EYA3: variants seen among roughly 807,000 people sequenced by gnomAD.
EYA3 encodes protein phosphatase EYA3.
In EYA3, 39 loss-of-function variants were observed where a neutral mutation model predicts 80.0. That is an observed-to-expected ratio of 0.49 (90% CI 0.38 to 0.64). EYA3 has a LOEUF of 0.64. EYA3 is among the 30% of genes least tolerant of loss of function. The pLI, the probability that EYA3 is intolerant of heterozygous loss-of-function variation, is 0.00. For missense variants in EYA3, 523 were observed against 676.1 expected (o/e 0.77, Z 2.51); for synonymous variants, 206 against 232.8 (o/e 0.88, Z 1.05).
At chr1:27,979,249 C>T (rs930012560) in intron 16 of EYA3, among the ~76,000 whole-genome samples, 1 of 152,134 alleles carries the variant, frequency 6.6e-6, no homozygotes, top group African/African-American at 2.4e-5. Context: ...GAAACAATAA[C>T]AAACAAAAAG....
At chr1:27,976,113 T>C (rs1638917396) in intron 17 of EYA3, among the ~76,000 whole-genome samples, 6 of 152,152 alleles carry the variant, frequency 3.9e-5, no homozygotes, top group Admixed American at 3.3e-4. Context: ...ACACATAATA[T>C]TTAAAAGGCT....
chr1:27,996,387 T>C (rs1296685777), intron 13 of EYA3, among the ~76,000 whole-genome samples: 2 of 152,144 alleles, frequency 1.3e-5, no homozygotes, highest in Non-Finnish European at 2.9e-5. Flanking sequence ...GATAAGTAAT[T>C]ACTGGTTAGC....
chr1:27,998,389 TGGCATGTAGTA>T, intron 12 of EYA3: 1 of 814,010 alleles, frequency 1.2e-6, no homozygotes, highest in African/African-American at 1.9e-5. Flanking sequence ...CAATAATTAT[TGGCATGTAGTA>T]GGTTTTCAAT....
At chr1:28,036,731 A>G (rs1261348301) in intron 5 of EYA3, among the ~76,000 whole-genome samples, 1 of 152,228 alleles carries the variant, frequency 6.6e-6, no homozygotes, top group African/African-American at 2.4e-5. Context: ...ATTGCACTGA[A>G]TTTTTAGATA....
intron 16 of EYA3, among the ~76,000 whole-genome samples, chr1:27,981,229 GCCT>G (rs1639280267): frequency 6.6e-6 from 1 of 152,176 alleles, no homozygotes; most frequent in Admixed American, 6.5e-5. Flanking sequence ...AAAGCCTCAA[GCCT>G]CCTACTGTGG....
chr1:28,020,327 A>G (rs187205440), intron 7 of EYA3, among the ~76,000 whole-genome samples: 20 of 152,316 alleles, frequency 1.3e-4, no homozygotes, highest in African/African-American at 4.8e-4. Flanking sequence ...CAGAAAGTTC[A>G]TAGGGCTTAA....
chr1:27,989,899 G>C, intron 14 of EYA3, 88 bp from the exon 15 acceptor site: 1 of 668,102 alleles, frequency 1.5e-6, no homozygotes, highest in Non-Finnish European at 2.5e-6. Context: ...AATTTAAAAA[G>C]TGTGAGTCAC....
intron 6 of EYA3, among the ~76,000 whole-genome samples, chr1:28,028,983 G>C (rs773085753): frequency 6.6e-6 from 1 of 152,138 alleles, no homozygotes; most frequent in Non-Finnish European, 1.5e-5. Flanking sequence ...GCTTTTTAAA[G>C]TGTTGGGATT....
intron 16 of EYA3, 80 bp downstream of exon 16, chr1:27,988,455 G>T: frequency 6.7e-7 from 1 of 1,497,044 alleles, no homozygotes; most frequent in East Asian, 2.3e-5. Context: ...CTAACAAGAG[G>T]GGCTAGAAAA....
intron 11 of EYA3, among the ~76,000 whole-genome samples, chr1:28,003,163 G>A (rs1417264981): frequency 1.3e-5 from 2 of 151,850 alleles, no homozygotes; most frequent in East Asian, 1.9e-4. Flanking sequence ...CTAGCTACTG[G>A]GGAGGCTGAG....
At chr1:27,982,463 T>TA (rs1557523132) in intron 16 of EYA3, among the ~76,000 whole-genome samples, 251 of 146,304 alleles carry the variant, frequency 1.7e-3, no homozygotes, top group African/African-American at 5.6e-3. Context: ...TTGCTCTAGA[T>TA]TAAAAAAAAA....
intron 13 of EYA3, among the ~76,000 whole-genome samples, chr1:27,997,113 T>C (rs1167366957): frequency 1.3e-5 from 2 of 152,372 alleles, no homozygotes; most frequent in Middle Eastern, 3.4e-3. Context: ...CCAACAGAAT[T>C]CTTTCTTCTC....
chr1:28,040,773 C>G (rs532771927), intron 4 of EYA3, among the ~76,000 whole-genome samples: 3 of 149,278 alleles, frequency 2.0e-5, no homozygotes, highest in Non-Finnish European at 4.4e-5. Context: ...GTGAGGGCAA[C>G]TCTTGCAGAA....
At chr1:28,010,551 G>T (rs1641618263) in intron 10 of EYA3, among the ~76,000 whole-genome samples, 1 of 151,804 alleles carries the variant, frequency 6.6e-6, no homozygotes. Flanking sequence ...GCTAATTCTT[G>T]TATATATATA....
At chr1:28,038,551 A>G (rs1274333523) in intron 5 of EYA3, among the ~76,000 whole-genome samples, 1 of 151,938 alleles carries the variant, frequency 6.6e-6, no homozygotes, top group Non-Finnish European at 1.5e-5. Context: ...GAAAATGATC[A>G]GAGGTCAATC....
chr1:28,084,596 T>TATATATATATA (rs56396330), intron 1 of EYA3, among the ~76,000 whole-genome samples: 34 of 12,308 alleles, frequency 2.8e-3, no homozygotes, highest in Admixed American at 6.1e-3. Flanking sequence ...TATATATATA[T>TATATATATATA]TTTTTTTTTT....
At chr1:28,023,209 A>G (rs953411907) in intron 7 of EYA3, among the ~76,000 whole-genome samples, 3 of 152,186 alleles carry the variant, frequency 2.0e-5, no homozygotes, top group Admixed American at 1.3e-4. Context: ...ATTATAACCC[A>G]AAGTATAAAT....
intron 5 of EYA3, among the ~76,000 whole-genome samples, chr1:28,036,887 G>GA (rs944679120): frequency 6.6e-6 from 1 of 151,974 alleles, no homozygotes; most frequent in Non-Finnish European, 1.5e-5. Context: ...GGAAAATGAA[G>GA]AAAGGCCATA....
intron 6 of EYA3, among the ~76,000 whole-genome samples, chr1:28,028,281 T>C (rs1203682749): frequency 6.6e-6 from 1 of 152,192 alleles, no homozygotes; most frequent in East Asian, 1.9e-4. Context: ...CAGTGATAAA[T>C]AATTTATCCA....
Sources: gnomAD v4.1 joint callset for allele counts (sites outside exome capture counted in the v4.1 genomes callset) on GRCh38, gnomAD v4.1.1 for gene constraint, MANE v1.5 for transcripts, NCBI Gene and HGNC (gene_info 2026-07-23, HGNC 2026-07-21) for gene names.